The following TRMT11 variants were observed in gnomAD, a reference collection of about 807,000 sequenced individuals.
TRMT11 encodes the protein tRNA methyltransferase 11, also known as tRNA (guanine(10)-N(2))-methyltransferase TRMT11.
In TRMT11, 53 loss-of-function variants were observed where a neutral mutation model predicts 62.8. The ratio of observed to expected loss-of-function variants is 0.84; its 90% CI spans 0.68 to 1.06. The LOEUF (loss-of-function observed/expected upper bound fraction) is 1.06. TRMT11 is among the 50% of genes least tolerant of loss of function. The probability of loss-of-function intolerance (pLI) is 0.00; values close to 1 mark genes in which losing one functional copy is unlikely to be tolerated. For synonymous variants in TRMT11, 188 were observed against 190.3 expected (o/e 0.99, Z 0.10); for missense variants, 556 against 553.4 (o/e 1.00, Z -0.05).
chr6:126,196,928 A>C (rs2128250464), intron 1 of TRMT11, among the ~76,000 whole-genome samples: 1 of 152,308 alleles, frequency 6.6e-6, no homozygotes, highest in African/African-American at 2.4e-5. Context: ...ACTTATGAGA[A>C]AAAATTTTAG....
chr6:126,272,157 C>G, the TRMT11 span, among the ~76,000 whole-genome samples: 1 of 152,154 alleles, frequency 6.6e-6, no homozygotes, highest in South Asian at 2.1e-4. Flanking sequence ...CTTAAAAGCA[C>G]ATGTAAATAT....
At chr6:126,125,688 C>T (rs546526467) in intron 21 of TRMT11, among the ~76,000 whole-genome samples, 1 of 152,004 alleles carries the variant, frequency 6.6e-6, no homozygotes, top group Non-Finnish European at 1.5e-5. Flanking sequence ...TCTGCCTTGT[C>T]TTAGTAAATA....
chr6:126,154,118 T>C (rs1427062264), intron 21 of TRMT11, among the ~76,000 whole-genome samples: 1 of 152,236 alleles, frequency 6.6e-6, no homozygotes, highest in African/African-American at 2.4e-5. Flanking sequence ...TCTGCCACTT[T>C]TTAAAAGCCC....
intron 21 of TRMT11, among the ~76,000 whole-genome samples, chr6:126,144,042 T>G (rs1039805327): frequency 6.6e-6 from 1 of 152,182 alleles, no homozygotes; most frequent in African/African-American, 2.4e-5. Flanking sequence ...AATAGATTGA[T>G]TTCTGTTTTG....
rs1389616888 is a variant in TRMT11 at position 126,003,378 on chromosome 6, C to T, written c.679+3765C>T. On this transcript the variant is annotated intron_variant, in intron 7 of 12. Coordinates refer to ENST00000334379, the MANE Select transcript of TRMT11 (RefSeq NM_001031712.3). Reference sequence around the variant, plus strand: ...CCCAGGAAAGCCAAAAGATTGGACCCCTCTGTCCTAGGGTAAATTCTTACA... The same window carrying T: ...CCCAGGAAAGCCAAAAGATTGGACCTCTCTGTCCTAGGGTAAATTCTTACA... Among the ~76,000 whole-genome samples the T allele has an allele frequency of 2.0e-5, 3 of 152,002 alleles. No homozygotes were observed. In the South Asian group the frequency reaches 6.2e-4, roughly 32 times the overall value.
chr6:126,196,242 T>C (rs1583906518), intron 1 of TRMT11, among the ~76,000 whole-genome samples: 1 of 152,300 alleles, frequency 6.6e-6, no homozygotes, highest in East Asian at 1.9e-4. Context: ...TGTACTAAAA[T>C]TGATTGACCT....
rs71700215 is a variant in TRMT11 at position 126,088,155 on chromosome 6, ACT to A, written c.*1438-24706_*1438-24705del. ...TACTCTCTCTATATATAGTATATAT[ACT>A]CTCTATAGTATATAGTAAGCACTCA... is the stretch of plus-strand genomic sequence containing the variant. On this transcript the variant is annotated intron_variant and NMD_transcript_variant, in intron 17 of 22. Transcript: ENST00000648977. 4.4e-3 allele frequency among the ~76,000 whole-genome samples: 666 copies of A among 152,024 alleles called. 9 individuals are homozygous for A. Among genetic ancestry groups the A allele is most frequent in the African/African-American group, 0.015 (632 of 41,452 alleles).
downstream of TRMT11, among the ~76,000 whole-genome samples, chr6:126,205,031 G>A (rs1778776376): frequency 6.6e-6 from 1 of 152,160 alleles, no homozygotes; most frequent in Admixed American, 6.5e-5. Flanking sequence ...ATATTTGTTT[G>A]TAATGTAAAA....
the TRMT11 span, among the ~76,000 whole-genome samples, chr6:126,243,692 C>G: frequency 2.0e-5 from 3 of 152,108 alleles, no homozygotes; most frequent in African/African-American, 4.8e-5. Context: ...GGACAAAAAA[C>G]TAAACACCGC....
intron 21 of TRMT11, among the ~76,000 whole-genome samples, chr6:126,119,312 T>C (rs930713957): frequency 5.3e-5 from 8 of 152,062 alleles, no homozygotes; most frequent in African/African-American, 1.9e-4. Flanking sequence ...GAACCTTCTG[T>C]TCCCATTACT....
At chr6:126,252,421 C>T in the TRMT11 span, among the ~76,000 whole-genome samples, 63 of 152,212 alleles carry the variant, frequency 4.1e-4, no homozygotes, top group Non-Finnish European at 7.8e-4. Flanking sequence ...TGACTGTTCT[C>T]TGAGTCCAAA....
intron 21 of TRMT11, among the ~76,000 whole-genome samples, chr6:126,127,863 T>C (rs2128204254): frequency 6.6e-6 from 1 of 152,132 alleles, no homozygotes; most frequent in Non-Finnish European, 1.5e-5. Flanking sequence ...GGTGGGGATA[T>C]TGTAGAAGGG....
chr6:126,180,437 T>A (rs1461942671), intron 1 of TRMT11, among the ~76,000 whole-genome samples: 5 of 152,156 alleles, frequency 3.3e-5, no homozygotes, highest in Non-Finnish European at 5.9e-5. Context: ...CAAGGACAAT[T>A]TAGCAAGGAT....
chr6:126,093,608 TATATA>T (rs1777302044), intron 17 of TRMT11, among the ~76,000 whole-genome samples: 3 of 100,996 alleles, frequency 3.0e-5, no homozygotes, highest in African/African-American at 1.6e-4. Flanking sequence ...TATATATATA[TATATA>T]TATATATATA....
intron 1 of TRMT11, among the ~76,000 whole-genome samples, chr6:125,987,744 G>A (rs1416265298): frequency 2.0e-5 from 3 of 152,202 alleles, no homozygotes; most frequent in African/African-American, 7.2e-5. Flanking sequence ...GCACCAGTCA[G>A]GTATGACTCC....
At chr6:126,149,070 ATC>A (rs1236742930) in intron 21 of TRMT11, among the ~76,000 whole-genome samples, 1 of 152,236 alleles carries the variant, frequency 6.6e-6, no homozygotes, top group Non-Finnish European at 1.5e-5. Context: ...AGTAGATAGT[ATC>A]TGGTAGGACT....
chr6:126,101,559 C>T (rs1777402426), intron 17 of TRMT11, among the ~76,000 whole-genome samples: 1 of 152,202 alleles, frequency 6.6e-6, no homozygotes, highest in South Asian at 2.1e-4. Context: ...AGCCTTTCCT[C>T]CACATGCTCT....
chr6:126,097,815 G>A (rs1777357274), intron 17 of TRMT11, among the ~76,000 whole-genome samples: 1 of 152,038 alleles, frequency 6.6e-6, no homozygotes, highest in Non-Finnish European at 1.5e-5. Context: ...TGTGTTCTTG[G>A]GGCAGGGGCT....
At chr6:126,109,191 C>T (rs981760841) in intron 17 of TRMT11, among the ~76,000 whole-genome samples, 1 of 152,088 alleles carries the variant, frequency 6.6e-6, no homozygotes, top group African/African-American at 2.4e-5. Context: ...AATACTGATT[C>T]AATGCTAACA....
Sources: allele counts gnomAD v4.1 joint callset (sites outside exome capture counted in the v4.1 genomes callset), GRCh38; gene constraint gnomAD v4.1.1; transcripts MANE v1.5; gene names NCBI Gene and HGNC (gene_info 2026-07-23, HGNC 2026-07-21).